TRMU: variants seen among roughly 807,000 people sequenced by gnomAD.
The protein encoded by TRMU is mitochondrial tRNA-specific 2-thiouridylase 1.
In TRMU, 49 loss-of-function variants were observed where a neutral mutation model predicts 46.9. The ratio of observed to expected loss-of-function variants is 1.05; its 90% confidence interval spans 0.83 to 1.33. The LOEUF (loss-of-function observed/expected upper bound fraction) is 1.33, where lower values mean the gene tolerates loss of function less well. Among genes scored for constraint, TRMU ranks in the 40% most tolerant of loss-of-function variants. TRMU has a pLI of 0.00. For synonymous variants in TRMU, 241 were observed against 200.9 expected, an observed-to-expected ratio of 1.20 and a Z score of -1.69; for missense variants, 572 against 532.4, an observed-to-expected ratio of 1.07 and a Z score of -0.73.
In TRMU at chr22:46,350,488, T is replaced by G. The variant is rs766029993; in HGVS notation, c.651+25T>G. On this transcript the variant is annotated intron_variant, in intron 5 of 10. Transcript: ENST00000645190. The surrounding 1 kb of genome is among the most constrained non-coding windows in gnomAD (Gnocchi z 4.6). ...GGTACGAGTGAGCAGTTGCCTTTGA[T>G]TAGTGCCTGTTTCCCTTTCCCGACT... 6.2e-7 allele frequency: 1 copy of G among 1,612,616 alleles called. No individual in the cohort carries two copies. The highest frequency in any genetic ancestry group is 8.5e-7 in the Non-Finnish European group (1 of 1,179,786).
chr22:46,351,294 A>T lies in TRMU; in HGVS notation c.652-827A>T. Among the ~76,000 whole-genome samples the T allele has an allele frequency of 6.6e-6, 1 of 152,204 alleles. No homozygotes were observed. Among genetic ancestry groups the T allele is most frequent in the East Asian group, 1.9e-4 (1 of 5,174 alleles). On this transcript the variant is annotated intron_variant, in intron 5 of 10. Transcript: ENST00000645190. This position sits in a 1 kb window ranked among gnomAD's most constrained non-coding sequence, Gnocchi z 6.4. Reference sequence around the variant, plus strand: ...CGAGCGCACCCAGGAGTTTGAGGACAGCCTGGGCAACACAGCGAAACTCGT... The same window carrying T: ...CGAGCGCACCCAGGAGTTTGAGGACTGCCTGGGCAACACAGCGAAACTCGT...
At chr22:46,344,914 G>T (rs1258136352) in intron 3 of TRMU, among the ~76,000 whole-genome samples, 2 of 152,178 alleles carry the variant, frequency 1.3e-5, no homozygotes, top group Non-Finnish European at 2.9e-5. Flanking sequence ...TTAATATGCA[G>T]CAGCTAATTC....
At position 46,350,497 on chromosome 22, in the gene TRMU, G is replaced by A. The variant is rs755364808; in HGVS notation, c.651+34G>A. On this transcript the variant is annotated intron_variant, in intron 5 of 10. Transcript: ENST00000645190. This position sits in a 1 kb window ranked among gnomAD's most constrained non-coding sequence, Gnocchi z 4.6. ...GAGCAGTTGCCTTTGATTAGTGCCT[G>A]TTTCCCTTTCCCGACTGCATGGCAC... 3.7e-6 allele frequency: 6 copies of A among 1,612,248 alleles called. No individual in the cohort carries two copies. Among genetic ancestry groups the A allele is most frequent in the Non-Finnish European group, 4.2e-6 (5 of 1,179,586 alleles).
intron 8 of TRMU, chr22:46,354,978 C>A (rs115798818): frequency 0.013 from 2,875 of 213,142 alleles, 95 homozygotes; most frequent in African/African-American, 0.062. Context: ...AAGCCAGCAG[C>A]TACCAGTCCC....
chr22:46,353,421 C>T (rs754923926), intron 7 of TRMU: 95 of 354,940 alleles, frequency 2.7e-4, no homozygotes, highest in Middle Eastern at 1.0e-3. Context: ...GCAGCTATGT[C>T]ATGGGCTCAG....
At position 46,342,419 on chromosome 22, in the gene TRMU, G is replaced by A. The variant is rs972851221; in HGVS notation, c.249-843G>A. Among the ~76,000 whole-genome samples the A allele has an allele frequency of 6.6e-6, 1 of 152,218 alleles. No individual in the cohort carries two copies. Among genetic ancestry groups the A allele is most frequent in the African/African-American group, 2.4e-5 (1 of 41,460 alleles). ...CCCTCCAGGAGCCTCCACAAGTGTA[G>A]CTGTGCAGAAGCTCTCTGAACCCAG... On this transcript the variant is annotated intron_variant, in intron 2 of 10. Transcript: ENST00000645190. This position sits in a 1 kb window ranked among gnomAD's most constrained non-coding sequence, Gnocchi z 4.7.
chr22:46,356,701 A>C (rs2078620514), intron 10 of TRMU, 141 bp from the exon 11 acceptor site: 3 of 997,828 alleles, frequency 3.0e-6, no homozygotes, highest in Non-Finnish European at 4.5e-6. Flanking sequence ...CAGCAGCAGC[A>C]GCAGCAAAAC....
rs1041097591 is a variant in TRMU at position 46,336,333 on chromosome 22, C to T, written c.82+487C>T. The T allele has an allele frequency of 6.5e-5, 11 of 169,056 alleles. No homozygotes were observed. Among genetic ancestry groups the T allele is most frequent in the Admixed American group, 3.9e-4 (6 of 15,550 alleles). The allele number at this position is 169,056 out of a possible 1,614,324, so 10.5% of individuals were successfully genotyped here. On this transcript the variant is annotated intron_variant, in intron 1 of 10. Transcript: ENST00000645190. The surrounding 1 kb of genome is among the most constrained non-coding windows in gnomAD (Gnocchi z 4.1). ...CGGCGGGTCTGCTTGTTCAGCGTCTCCTGTGTTCTCCGCTCGCTGGAGGAC... is the reference window on the plus strand; with the variant it reads ...CGGCGGGTCTGCTTGTTCAGCGTCTTCTGTGTTCTCCGCTCGCTGGAGGAC...
chr22:46,354,017 C>G (rs991163152), intron 8 of TRMU, 150 bp downstream of exon 8: 16 of 717,304 alleles, frequency 2.2e-5, no homozygotes, highest in Non-Finnish European at 4.0e-5. Flanking sequence ...CCTGCCTTTC[C>G]TGGGACTGGC....
chr22:46,355,416 G>A (rs377093001), intron 8 of TRMU, 28 bp from the exon 9 acceptor site: 186 of 1,610,648 alleles, frequency 1.2e-4, no homozygotes, highest in Non-Finnish European at 1.3e-4. Context: ...GCCCCTCGGC[G>A]TCCCCACCTT....
chr22:46,355,276 C>G (rs140181130), intron 8 of TRMU, 168 bp from the exon 9 acceptor site: 1 of 1,062,936 alleles, frequency 9.4e-7, no homozygotes, highest in Admixed American at 2.1e-5. Flanking sequence ...TTCAAAGGCC[C>G]GGCGGGTGAT....
chr22:46,354,282 CACCACAGTGGGGACCTT>C, intron 8 of TRMU: 1 of 277,722 alleles, frequency 3.6e-6, no homozygotes, highest in South Asian at 3.7e-5. Flanking sequence ...CCAAGCCTTC[CACCACAGTGGGGACCTT>C]ACCACTGTGA....
intron 2 of TRMU, 63 bp from the exon 3 acceptor site, chr22:46,343,199 C>CTTTT: frequency 2.3e-5 from 22 of 962,176 alleles, no homozygotes; most frequent in South Asian, 3.0e-5. Flanking sequence ...ATTTAGTGAA[C>CTTTT]TTTTTTTTTT....
chr22:46,336,185 G>C lies in TRMU; in HGVS notation c.82+339G>C, dbSNP rs1480265613. 1.0e-5 allele frequency: 12 copies of C among 1,181,742 alleles called. No individual in the cohort carries two copies. Among genetic ancestry groups the C allele is most frequent in the Non-Finnish European group, 1.3e-5 (12 of 944,456 alleles). 73.2% of individuals were successfully genotyped at this position (1,181,742 alleles called of 1,614,324 possible). A position where few individuals can be genotyped will look rare whatever the true frequency, so the allele number is the denominator to read the frequency against. On this transcript the variant is annotated intron_variant, in intron 1 of 10. Transcript: ENST00000645190. The surrounding 1 kb of genome is among the most constrained non-coding windows in gnomAD (Gnocchi z 4.1). ...CTGCGGCGTCCACATTCACCTGTGA[G>C]ACCGTGGACACTGGTGAGGGGAGCT...
At chr22:46,346,235 T>C (rs766331043) in intron 3 of TRMU, among the ~76,000 whole-genome samples, 187 bp from the exon 4 acceptor site, 2 of 152,246 alleles carry the variant, frequency 1.3e-5, no homozygotes, top group Non-Finnish European at 2.9e-5. Context: ...TCAAGGCTGC[T>C]TGTTTGATGA....
chr22:46,335,739 A>C lies in TRMU; in HGVS notation c.-26A>C, dbSNP rs898267377. On this transcript the variant is annotated 5_prime_UTR_variant, in exon 1 of 11. Coordinates refer to ENST00000645190, the MANE Select transcript of TRMU (RefSeq NM_018006.5). The stretch of plus-strand genomic sequence containing the variant: ...AAGGCGCGGAAGCGGCGGTAGCTGC[A>C]GCTGGCGAAGTTGGGCGACTGGCGG... 14 of 1,543,776 alleles carry C rather than the reference A, an allele frequency of 9.1e-6. No individual in the cohort carries two copies. The highest frequency in any genetic ancestry group is 1.8e-4 in the Middle Eastern group (1 of 5,646).
chr22:46,338,211 G>A lies in TRMU; in HGVS notation c.248+267G>A. On this transcript the variant is annotated intron_variant, in intron 2 of 10. Coordinates refer to ENST00000645190, the MANE Select transcript of TRMU (RefSeq NM_018006.5). The surrounding 1 kb of genome is among the most constrained non-coding windows in gnomAD (Gnocchi z 4.5). ...TTAATGCTTTCTTGGACCTTGAGCTGTTTCTGTTGCCCAGTTAGGATAGGG... is the reference window on the plus strand; with the variant it reads ...TTAATGCTTTCTTGGACCTTGAGCTATTTCTGTTGCCCAGTTAGGATAGGG... 2.2e-6 allele frequency: 1 copy of A among 452,034 alleles called. No individual in the cohort carries two copies. The highest frequency in any genetic ancestry group is 4.1e-6 in the Non-Finnish European group (1 of 243,092). The allele number at this position is 452,034 out of a possible 1,614,324, so 28.0% of individuals were successfully genotyped here.
chr22:46,356,701 A>G, intron 10 of TRMU, 141 bp from the exon 11 acceptor site: 1 of 997,828 alleles, frequency 1.0e-6, no homozygotes, highest in Non-Finnish European at 1.5e-6. Flanking sequence ...CAGCAGCAGC[A>G]GCAGCAAAAC....
chr22:46,354,576 G>A (rs538051607), intron 8 of TRMU: 6 of 152,978 alleles, frequency 3.9e-5, no homozygotes, highest in East Asian at 1.9e-4. Context: ...GTTCTGGCAC[G>A]AATGCTGGGG....
Sources: gnomAD v4.1 joint callset for allele counts (sites outside exome capture counted in the v4.1 genomes callset) on GRCh38, gnomAD v4.1.1 for gene constraint, Gnocchi (gnomAD v3.1) non-coding constraint, MANE v1.5 for transcripts, NCBI Gene and HGNC (gene_info 2026-07-23, HGNC 2026-07-21) for gene names.